The following CELF1 variants were observed in gnomAD, a reference collection of about 807,000 sequenced individuals.
The protein encoded by CELF1 is CUGBP Elav-like family member 1, also known as 50 kDa nuclear polyadenylated RNA-binding protein.
Under a neutral mutation model 61.8 loss-of-function variants are expected in CELF1, and 10 were observed. The observed-to-expected ratio is 0.16, with a 90% CI of 0.10 to 0.27. The LOEUF (loss-of-function observed/expected upper bound fraction) is 0.27, where lower values mean the gene tolerates loss of function less well. Among genes scored for constraint, CELF1 ranks in the 10% least tolerant of loss-of-function variants. The pLI is 1.00. For missense variants in CELF1, 380 were observed against 639.1 expected (o/e 0.59, Z 4.37); for synonymous variants, 236 against 225.1 (o/e 1.05, Z -0.43).
chr11:47,493,828 A>C (rs945228084), intron 3 of CELF1, among the ~76,000 whole-genome samples: 2 of 152,154 alleles, frequency 1.3e-5, no homozygotes, highest in Non-Finnish European at 2.9e-5. Flanking sequence ...AGCAGTCACA[A>C]ACTTTCTCTG....
intron 6 of CELF1, among the ~76,000 whole-genome samples, chr11:47,486,482 T>G (rs1316561199): frequency 1.3e-5 from 2 of 151,830 alleles, no homozygotes; most frequent in Non-Finnish European, 2.9e-5. Context: ...TGATCTTAGC[T>G]CATTGCAACC....
chr11:47,520,584 G>C (rs1229616024), intron 1 of CELF1, among the ~76,000 whole-genome samples: 1 of 152,116 alleles, frequency 6.6e-6, no homozygotes. Context: ...GAGGTGGGCA[G>C]ATCACTTGAG....
chr11:47,480,142 A>G (rs964719616), intron 9 of CELF1, among the ~76,000 whole-genome samples: 1 of 148,992 alleles, frequency 6.7e-6, no homozygotes, highest in Non-Finnish European at 1.5e-5. Flanking sequence ...AGGCTGGAGT[A>G]CAATGGTGAT....
At chr11:47,534,733 TAAATAAAATA>T (rs551786754) in intron 1 of CELF1, among the ~76,000 whole-genome samples, 1 of 151,848 alleles carries the variant, frequency 6.6e-6, no homozygotes, top group African/African-American at 2.4e-5. Context: ...ATCTCAAAAA[TAAATAAAATA>T]AAATAAAATA....
chr11:47,547,846 G>C (rs575063689), intron 1 of CELF1, among the ~76,000 whole-genome samples: 281 of 152,200 alleles, frequency 1.8e-3, no homozygotes, highest in South Asian at 4.4e-3. Flanking sequence ...AACAAAGATA[G>C]ATTAGAGGCT....
At chr11:47,538,414 C>T (rs1005379654) in intron 1 of CELF1, among the ~76,000 whole-genome samples, 3 of 152,084 alleles carry the variant, frequency 2.0e-5, no homozygotes, top group African/African-American at 4.8e-5. Context: ...GAGGCCCAGG[C>T]GGGCAGATCA....
At chr11:47,532,751 T>C (rs1160255321) in intron 1 of CELF1, among the ~76,000 whole-genome samples, 2 of 152,228 alleles carry the variant, frequency 1.3e-5, no homozygotes, top group Non-Finnish European at 2.9e-5. Flanking sequence ...TTTCAGCCTA[T>C]AGCTTACTTT....
rs565564487 is a variant in CELF1 at position 47,482,813 on chromosome 11, T to A, written c.650A>T (p.Lys217Met). ...GGCCATTCTCTTCTGTTCTTTGTCC[T>A]TCTGTGTATCAGCAAATTTTACCAC... Reference protein sequence around the residue: ...PMVVKFADTQKDKEQKRMAQQ... With the variant: ...PMVVKFADTQMDKEQKRMAQQ... Residue 217 changes from lysine (K) to methionine (M), a missense_variant, in exon 9 of 15, where the codon AAG becomes ATG. Transcript: ENST00000687097. 6.2e-7 allele frequency: 1 copy of A among 1,614,174 alleles called. No homozygotes were observed. The highest frequency in any genetic ancestry group is 1.3e-5 in the African/African-American group (1 of 75,048).
chr11:47,489,171 T>C (rs1054288464), intron 3 of CELF1, 147 bp from the exon 4 acceptor site: 5 of 694,188 alleles, frequency 7.2e-6, no homozygotes, highest in Non-Finnish European at 1.1e-5. Flanking sequence ...TTTACCAGAG[T>C]TCCCTGGTTC....
At chr11:47,550,180 G>A (rs561176055) in intron 1 of CELF1, among the ~76,000 whole-genome samples, 1 of 152,010 alleles carries the variant, frequency 6.6e-6, no homozygotes, top group Non-Finnish European at 1.5e-5. Context: ...TCTGTAATCC[G>A]AAGTTCAAAA....
At chr11:47,551,052 AAC>A (rs1463057526) in intron 1 of CELF1, among the ~76,000 whole-genome samples, 1 of 152,048 alleles carries the variant, frequency 6.6e-6, no homozygotes, top group Non-Finnish European at 1.5e-5. Flanking sequence ...AAAAAAAAAA[AAC>A]ATAACCTTGG....
At chr11:47,565,451 C>T (rs1202475247) in exon 1 of CELF1, 1 of 542,302 alleles carries the variant, frequency 1.8e-6, no homozygotes. Context: ...CCGGGCCCTC[C>T]TCCAGAGTCC....
In CELF1 at chr11:47,499,583, A is replaced by C. The variant is rs987495797; in HGVS notation, c.-60T>G. 7.8e-5 allele frequency: 105 copies of C among 1,340,924 alleles called. 2 individuals carry two copies. The South Asian group carries it at 1.2e-3, about 15-fold the overall frequency. 83.1% of individuals were successfully genotyped at this position (1,340,924 alleles called of 1,614,324 possible). A position where few individuals can be genotyped will look rare whatever the true frequency, so the allele number is the denominator to read the frequency against. ...AACTTGCTGCACTTGTCTGATCCAC[A>C]AATACACACAGCTTTAGCTTCCTGG... On this transcript the variant is annotated 5_prime_UTR_variant, in exon 3 of 15. Coordinates refer to ENST00000687097, the MANE Select transcript of CELF1 (RefSeq NM_001376376.1).
intron 1 of CELF1, among the ~76,000 whole-genome samples, chr11:47,504,991 G>A (rs1194345484): frequency 1.3e-5 from 2 of 150,614 alleles, no homozygotes; most frequent in Non-Finnish European, 3.0e-5. Flanking sequence ...TGTACAAGTT[G>A]CCTTGCCTGT....
intron 3 of CELF1, among the ~76,000 whole-genome samples, chr11:47,497,035 T>G (rs1347609480): frequency 6.6e-6 from 1 of 152,126 alleles, no homozygotes; most frequent in Non-Finnish European, 1.5e-5. Context: ...TACTGAGGAA[T>G]TTTGGGCCAG....
At chr11:47,481,942 C>T (rs933720736) in intron 9 of CELF1, among the ~76,000 whole-genome samples, 1 of 152,186 alleles carries the variant, frequency 6.6e-6, no homozygotes, top group African/African-American at 2.4e-5. Context: ...GTGGCTCACA[C>T]CTGTAAACCC....
chr11:47,473,217 T>C lies in CELF1; in HGVS notation c.1288A>G (p.Asn430Asp), dbSNP rs1204887401. 6.2e-7 allele frequency: 1 copy of C among 1,614,090 alleles called. No individual in the cohort carries two copies. Among genetic ancestry groups the C allele is most frequent in the Non-Finnish European group, 8.5e-7 (1 of 1,180,002 alleles). The change falls in exon 14 of 15, where the codon AAC becomes GAC. Residue 430 changes from asparagine to aspartate, a missense_variant. Physicochemically the swap from Asn to Asp is conservative, Grantham distance 23. Coordinates refer to ENST00000687097, the MANE Select transcript of CELF1 (RefSeq NM_001376376.1). Reference protein sequence around the residue: ...GSQKEGPEGANLFIYHLPQEF... With the variant: ...GSQKEGPEGADLFIYHLPQEF... ...TGGGGCAGGTGGTAGATGAACAGGT[T>C]GGCTCCCTCTGGACCTTCAAAATAC...
intron 1 of CELF1, among the ~76,000 whole-genome samples, chr11:47,526,835 G>A (rs2096261736): frequency 6.6e-6 from 1 of 151,958 alleles, no homozygotes. Context: ...TGGATCACCT[G>A]AGGTCAGGAG....
chr11:47,482,273 G>A (rs191063382), intron 9 of CELF1, among the ~76,000 whole-genome samples: 41 of 152,122 alleles, frequency 2.7e-4, no homozygotes, highest in African/African-American at 2.6e-4. Flanking sequence ...TCTCAAGTCC[G>A]CTGAAAGAAA....
Sources: gnomAD v4.1 joint callset for allele counts (sites outside exome capture counted in the v4.1 genomes callset) on GRCh38, gnomAD v4.1.1 for gene constraint, MANE v1.5 for transcripts, NCBI Gene and HGNC (gene_info 2026-07-23, HGNC 2026-07-21) for gene names.